The following SLC9A3 variants were observed in gnomAD, a reference collection of about 807,000 sequenced individuals.
The protein encoded by SLC9A3 is sodium/hydrogen exchanger 3.
A neutral mutation model predicts 86.8 loss-of-function variants in SLC9A3; 37 were observed. The observed-to-expected ratio is 0.43, with a 90% confidence interval of 0.33 to 0.56. The LOEUF (loss-of-function observed/expected upper bound fraction) is 0.56, where lower values mean the gene tolerates loss of function less well. Ranked by LOEUF, SLC9A3 falls within the 20% of genes least tolerant of loss-of-function variation. SLC9A3 has a pLI of 0.06. For synonymous variants in SLC9A3, 581 were observed against 528.3 expected, an observed-to-expected ratio of 1.10 and a Z score of -1.37; for missense variants, 1,011 against 1,171.9, an observed-to-expected ratio of 0.86 and a Z score of 2.00.
intron 3 of SLC9A3, among the ~76,000 whole-genome samples, chr5:485,440 G>A (rs937441717): frequency 5.3e-5 from 8 of 152,262 alleles, no homozygotes; most frequent in Non-Finnish European, 1.0e-4. Context: ...ATGTTCTGGA[G>A]GGGACCAGAA....
chr5:516,793 T>G (rs1275861479), intron 1 of SLC9A3, among the ~76,000 whole-genome samples: 1 of 152,186 alleles, frequency 6.6e-6, no homozygotes, highest in Non-Finnish European at 1.5e-5. Flanking sequence ...GATCCCACTT[T>G]GCAGGTTAAG....
chr5:473,045 G>T lies in SLC9A3; in HGVS notation c.*334C>A, dbSNP rs76348935. The T allele has an allele frequency of 5.5e-6, 2 of 362,542 alleles. No homozygotes were observed. The highest frequency in any genetic ancestry group is 2.2e-5 in the African/African-American group (1 of 46,500). 22.5% of individuals were successfully genotyped at this position (362,542 alleles called of 1,614,324 possible). A position where few individuals can be genotyped will look rare whatever the true frequency, so the allele number is the denominator to read the frequency against. ...GCAGCGACGCCAGCTTCAGCAGCGC[G>T]GGGCGGCGGCGCGCGCGAGGCCGCT... On this transcript the variant is annotated 3_prime_UTR_variant, in exon 17 of 17. Transcript: ENST00000264938.
chr5:483,479 G>C lies in SLC9A3; in HGVS notation c.936C>G (p.Ile312Met). ...TCTGACAGCAGATGCCACAGAAGGT[G>C]ATGCTGCAGGGACAGACGCGCCTCA... ...EMLSLSAILA[I>M]TFCGICCQKY... The change falls in exon 6 of 17, where the codon ATC (isoleucine) becomes ATG (methionine). Residue 312 changes from isoleucine to methionine, a missense_variant. By Grantham distance (10) the Ile-to-Met change is conservative. This residue lies in a region of SLC9A3 where 565 missense variants were observed against 790.0 expected (regional missense o/e 0.72). Transcript: ENST00000264938. 3.2e-6 allele frequency: 5 copies of C among 1,570,084 alleles called. No individual in the cohort carries two copies. Among genetic ancestry groups the C allele is most frequent in the Non-Finnish European group, 4.3e-6 (5 of 1,157,514 alleles).
At chr5:486,798 G>C (rs765008008) in intron 3 of SLC9A3, among the ~76,000 whole-genome samples, 1 of 152,174 alleles carries the variant, frequency 6.6e-6, no homozygotes, top group Non-Finnish European at 1.5e-5. Flanking sequence ...GTGAGGACAC[G>C]GGAAGGCACC....
At chr5:477,759 A>C (rs1401961453) in intron 10 of SLC9A3, 3 of 306,044 alleles carry the variant, frequency 9.8e-6, no homozygotes, top group Non-Finnish European at 1.8e-5. Flanking sequence ...GTGTCTGGGG[A>C]AAGTGTTGAT....
At chr5:521,243 C>T (rs1186462384) in intron 1 of SLC9A3, among the ~76,000 whole-genome samples, 7 of 152,256 alleles carry the variant, frequency 4.6e-5, no homozygotes, top group South Asian at 2.1e-4. Flanking sequence ...GCCAGACACG[C>T]GGCCTGAGGC....
At position 472,837 on chromosome 5, in the gene SLC9A3, T is replaced by TG. The variant is rs911998427; in HGVS notation, c.*541dup. On this transcript the variant is annotated 3_prime_UTR_variant, in exon 17 of 17. Transcript: ENST00000264938. The stretch of plus-strand genomic sequence containing the variant: ...TCAGTCCCCGGGCGCGGGGCTCGGT[T>TG]GGGGGGGCCCGGAACCTTGGGCTGG... 23 of 525,210 alleles carry TG rather than the reference T, an allele frequency of 4.4e-5. No homozygotes were observed. The highest frequency in any genetic ancestry group is 2.7e-4 in the Admixed American group (11 of 40,346). 32.5% of individuals were successfully genotyped at this position (525,210 alleles called of 1,614,324 possible). A position where few individuals can be genotyped will look rare whatever the true frequency, so the allele number is the denominator to read the frequency against.
At chr5:524,056 CA>C in intron 1 of SLC9A3, 55 bp downstream of exon 1, 1 of 1,264,194 alleles carries the variant, frequency 7.9e-7, no homozygotes, top group Non-Finnish European at 1.1e-6. Context: ...CCCCCAGGCC[CA>C]GCAGAGGCGG....
intron 13 of SLC9A3, 35 bp from the exon 14 acceptor site, chr5:476,127 C>T (rs1327649503): frequency 4.3e-6 from 7 of 1,612,282 alleles, no homozygotes; most frequent in Non-Finnish European, 5.9e-6. Flanking sequence ...CACACCCCGA[C>T]ACAGCCACAC....
Position 473,174 on chromosome 5 carries a change from C to CGGCGCAGGCCCCGCCCCT in SLC9A3, c.*204_*205insAGGGGCGGGGCCTGCGCC. 6.4e-6 allele frequency: 3 copies of CGGCGCAGGCCCCGCCCCT among 471,664 alleles called. No homozygotes were observed. Among genetic ancestry groups the CGGCGCAGGCCCCGCCCCT allele is most frequent in the Non-Finnish European group, 9.8e-6 (3 of 307,256 alleles). 29.2% of individuals were successfully genotyped at this position (471,664 alleles called of 1,614,324 possible). Reference sequence around the variant, plus strand: ...CCGCCCCCGGCGCAGGCCCCGCCCCCGGCTCGCCCTCGGGCGGCTCTGCGG... The same window carrying CGGCGCAGGCCCCGCCCCT: ...CCGCCCCCGGCGCAGGCCCCGCCCCCGGCGCAGGCCCCGCCCCTGGCTCGCCCTCGGGCGGCTCTGCGG... On this transcript the variant is annotated 3_prime_UTR_variant, in exon 17 of 17. Transcript: ENST00000264938.
chr5:485,043 G>A (rs1311982250), intron 4 of SLC9A3, 110 bp downstream of exon 4: 2 of 826,714 alleles, frequency 2.4e-6, no homozygotes, highest in East Asian at 4.9e-5. Flanking sequence ...AGGGCCCAGT[G>A]TAGCAGCTTT....
Position 491,968 on chromosome 5 carries a change from G to C in SLC9A3, c.315C>G (p.Ile105Met). 6.2e-7 allele frequency: 1 copy of C among 1,607,562 alleles called. No homozygotes were observed. The highest frequency in any genetic ancestry group is 8.5e-7 in the Non-Finnish European group (1 of 1,177,696). The change falls in exon 2 of 17, where the codon ATC (isoleucine) becomes ATG (methionine). Residue 105 changes from isoleucine (I) to methionine (M), a missense_variant. By Grantham distance (10) the Ile-to-Met change is conservative. Coordinates refer to ENST00000264938, the MANE Select transcript of SLC9A3 (RefSeq NM_004174.4). The surrounding 1 kb of genome is among the most constrained non-coding windows in gnomAD (Gnocchi z 9.2). ...LGGIVWAADH[I>M]ASFTLTPTVF... ...CGGTGGGCGTCAGTGTGAAGGACGC[G>C]ATGTGGTCGGCCGCCCAGACGATGC...
At chr5:501,330 A>G (rs1349497513) in intron 1 of SLC9A3, among the ~76,000 whole-genome samples, 1 of 152,158 alleles carries the variant, frequency 6.6e-6, no homozygotes, top group Non-Finnish European at 1.5e-5. Flanking sequence ...GCAGAGATTC[A>G]GCCGAGTCCA....
intron 3 of SLC9A3, 61 bp downstream of exon 3, chr5:488,255 T>C (rs2126626006): frequency 7.0e-6 from 11 of 1,572,504 alleles, no homozygotes; most frequent in Middle Eastern, 1.7e-4. Context: ...CGATGGGGGG[T>C]GAGACGGGGC....
intron 1 of SLC9A3, among the ~76,000 whole-genome samples, chr5:502,471 G>A (rs11134078): frequency 0.43 from 65,375 of 152,142 alleles, 14,517 homozygotes; most frequent in Middle Eastern, 0.54. Flanking sequence ...ACCAGGGGCC[G>A]CAGCGGAGCA....
rs896559775 is a variant in SLC9A3, at chr5:491,617, G to A, written c.514+152C>T. 21 of 642,792 alleles carry A rather than the reference G, an allele frequency of 3.3e-5. No individual in the cohort carries two copies. The highest frequency in any genetic ancestry group is 5.7e-5 in the East Asian group (2 of 35,386). 39.8% of individuals were successfully genotyped at this position (642,792 alleles called of 1,614,324 possible). On this transcript the variant is annotated intron_variant, in intron 2 of 16. Transcript: ENST00000264938. This position sits in a 1 kb window ranked among gnomAD's most constrained non-coding sequence, Gnocchi z 9.2. ...CGCGCAGGGGACTGGCCTTGGTCAC[G>A]AGGGCCTACGGGGCTGCCAGCCACG...
rs1738345696 is a variant in SLC9A3 at position 471,275 on chromosome 5, G to C, written c.*2104C>G. On this transcript the variant is annotated 3_prime_UTR_variant, in exon 17 of 17. Coordinates refer to ENST00000264938, the MANE Select transcript of SLC9A3 (RefSeq NM_004174.4). ...GGTGTCCAGGGAGGAGCGATCGGGA[G>C]TGGCCAAGCAGTTGCCTGGACTCAG... The C allele has an allele frequency of 6.0e-6, 1 of 167,162 alleles. No individual in the cohort carries two copies. Among genetic ancestry groups the C allele is most frequent in the African/African-American group, 2.4e-5 (1 of 41,760 alleles). The allele number at this position is 167,162 out of a possible 1,614,324, so 10.4% of individuals were successfully genotyped here. A position where few individuals can be genotyped will look rare whatever the true frequency, so the allele number is the denominator to read the frequency against.
At chr5:484,956 G>A (rs1739395855) in intron 4 of SLC9A3, among the ~76,000 whole-genome samples, 197 bp downstream of exon 4, 1 of 152,228 alleles carries the variant, frequency 6.6e-6, no homozygotes, top group South Asian at 2.1e-4. Flanking sequence ...TCCCTGTTCT[G>A]GGAAACACCC....
chr5:481,730 A>AGT, intron 8 of SLC9A3, 95 bp from the exon 9 acceptor site: 2 of 907,440 alleles, frequency 2.2e-6, no homozygotes, highest in South Asian at 1.3e-5. Flanking sequence ...GGAACCCACC[A>AGT]GCCCCCCTCA....
Sources: allele counts gnomAD v4.1 joint callset (sites outside exome capture counted in the v4.1 genomes callset), GRCh38; gene constraint gnomAD v4.1.1; regional missense constraint gnomAD v4.1.1; non-coding constraint Gnocchi (gnomAD v3.1); transcripts MANE v1.5; gene names NCBI Gene and HGNC (gene_info 2026-07-23, HGNC 2026-07-21).